The following SAXO4 variants were observed in gnomAD, a reference collection of about 807,000 sequenced individuals.
SAXO4 encodes protein phosphatase 1 regulatory subunit 32.
At chr11:61,488,363 G>C in the SAXO4 span, among the ~76,000 whole-genome samples, 18 of 147,340 alleles carry the variant, frequency 1.2e-4, no homozygotes, top group East Asian at 3.6e-3. Flanking sequence ...GGAGTGCAGT[G>C]GTGCGATCTC....
At chr11:61,487,183 T>TC in the SAXO4 span, 1 of 1,614,052 alleles carries the variant, frequency 6.2e-7, no homozygotes, top group Non-Finnish European at 8.5e-7. Context: ...CCCATGTATG[T>TC]CCGGAGCCCC....
the SAXO4 span, chr11:61,485,956 C>T: frequency 3.0e-6 from 4 of 1,339,952 alleles, no homozygotes; most frequent in African/African-American, 5.8e-5. Context: ...GGCTTGAAGC[C>T]CTCCAGTCTC....
chr11:61,486,657 G>T, the SAXO4 span: 4 of 1,565,038 alleles, frequency 2.6e-6, no homozygotes, highest in African/African-American at 1.4e-5. Flanking sequence ...AGACAGGGAG[G>T]TTTCTGGGAA....
At chr11:61,490,415 C>T in the SAXO4 span, 2 of 1,272,774 alleles carry the variant, frequency 1.6e-6, no homozygotes, top group Non-Finnish European at 2.3e-6. Flanking sequence ...TATGCTCTCT[C>T]AGGGAGGGTC....
chr11:61,490,370 T>A, the SAXO4 span: 1 of 806,566 alleles, frequency 1.2e-6, no homozygotes, highest in Non-Finnish European at 2.2e-6. Context: ...AGGCAAAGAA[T>A]GTTTGTGGCT....
the SAXO4 span, chr11:61,484,825 C>T: frequency 6.4e-7 from 1 of 1,569,566 alleles, no homozygotes; most frequent in Non-Finnish European, 8.6e-7. Flanking sequence ...ATGTGAGTGG[C>T]AGCCCAGCTA....
At chr11:61,482,292 C>T in the SAXO4 span, 4 of 1,610,118 alleles carry the variant, frequency 2.5e-6, no homozygotes, top group Non-Finnish European at 3.4e-6. Context: ...GGTCTGTCTC[C>T]CCGTTACCCC....
the SAXO4 span, chr11:61,487,006 A>T: frequency 2.5e-6 from 4 of 1,613,972 alleles, no homozygotes; most frequent in South Asian, 4.4e-5. Flanking sequence ...CAGCCACTTC[A>T]TCGGATGCAA....
the SAXO4 span, chr11:61,485,974 C>A: frequency 6.8e-6 from 8 of 1,169,488 alleles, no homozygotes; most frequent in Non-Finnish European, 1.0e-5. Context: ...CTCAGGGTTT[C>A]TAGCTTTCCT....
At chr11:61,485,540 A>C in the SAXO4 span, 235 of 833,796 alleles carry the variant, frequency 2.8e-4, 2 homozygotes, top group South Asian at 2.6e-3. Flanking sequence ...GGCTGGAGGG[A>C]AGCGCCTCTC....
At chr11:61,482,878 A>T in the SAXO4 span, 1 of 1,464,632 alleles carries the variant, frequency 6.8e-7, no homozygotes, top group Non-Finnish European at 9.0e-7. Flanking sequence ...CACTGCCAAC[A>T]GTTGGTCAAG....
the SAXO4 span, chr11:61,490,064 C>G: frequency 9.7e-6 from 10 of 1,032,724 alleles, no homozygotes; most frequent in Non-Finnish European, 1.4e-5. Flanking sequence ...AGAGGCCCAT[C>G]TCCTCTGGCT....
the SAXO4 span, chr11:61,485,918 C>T: frequency 2.4e-5 from 38 of 1,599,310 alleles, no homozygotes; most frequent in Admixed American, 3.8e-4. Context: ...CCCTGTAAGT[C>T]GGCTGGGCTC....
At chr11:61,487,653 C>T in the SAXO4 span, among the ~76,000 whole-genome samples, 1 of 152,224 alleles carries the variant, frequency 6.6e-6, no homozygotes, top group Admixed American at 6.5e-5. Context: ...TCAGGCAAAG[C>T]AGCTTCTAGC....
At chr11:61,481,477 C>T in the SAXO4 span, among the ~76,000 whole-genome samples, 1 of 152,140 alleles carries the variant, frequency 6.6e-6, no homozygotes, top group East Asian at 1.9e-4. Flanking sequence ...GGTCTGAATC[C>T]CAGCACTACC....
chr11:61,481,806 C>A, the SAXO4 span: 66 of 1,506,878 alleles, frequency 4.4e-5, no homozygotes, highest in Non-Finnish European at 5.4e-5. Context: ...TGCCCCACAG[C>A]ATCATGATGG....
the SAXO4 span, chr11:61,484,860 G>A: frequency 6.6e-7 from 1 of 1,511,064 alleles, no homozygotes; most frequent in Non-Finnish European, 8.9e-7. Context: ...GGGCAGAGGG[G>A]CCACACCCGC....
the SAXO4 span, chr11:61,481,745 C>T: frequency 2.2e-6 from 2 of 929,374 alleles, no homozygotes; most frequent in Non-Finnish European, 3.1e-6. Flanking sequence ...CCGAGCCAGG[C>T]TTGGGACCCA....
the SAXO4 span, chr11:61,487,299 G>A: frequency 1.4e-6 from 2 of 1,387,488 alleles, no homozygotes; most frequent in Non-Finnish European, 2.1e-6. Flanking sequence ...CTGAGACTGG[G>A]ATAAGTAATG....
Sources: gnomAD v4.1 joint callset for allele counts (sites outside exome capture counted in the v4.1 genomes callset) on GRCh38, gnomAD v4.1.1 for gene constraint, MANE v1.5 for transcripts, NCBI Gene and HGNC (gene_info 2026-07-23, HGNC 2026-07-21) for gene names.